RBFOX1: variants seen among roughly 807,000 people sequenced by gnomAD.
The protein encoded by RBFOX1 is RNA binding protein fox-1 homolog 1.
Under a neutral mutation model 57.7 loss-of-function variants are expected in RBFOX1, and 8 were observed. That is an observed-to-expected ratio of 0.14 (90% CI 0.08 to 0.25). The LOEUF (loss-of-function observed/expected upper bound fraction) is 0.25. RBFOX1 is among the 10% of genes least tolerant of loss of function. The pLI is 1.00. For missense variants in RBFOX1, 611 were observed against 548.5 expected, an observed-to-expected ratio of 1.11 and a Z score of -1.14; for synonymous variants, 326 against 222.4, an observed-to-expected ratio of 1.47 and a Z score of -4.15.
At chr16:6,576,935 A>G (rs2097447687) in intron 2 of RBFOX1, 1 of 152,208 alleles carries the variant, frequency 6.6e-6, no homozygotes, top group African/African-American at 2.4e-5. Flanking sequence ...CCTGTAAAGA[A>G]CCACCCATCT....
chr16:6,489,621 C>T (rs935117471), intron 2 of RBFOX1, among the ~76,000 whole-genome samples: 4 of 152,152 alleles, frequency 2.6e-5, no homozygotes, highest in African/African-American at 7.2e-5. Flanking sequence ...GCACCATCTT[C>T]ACCCGAGTTT....
At chr16:5,764,502 T>A (rs1410443475) in intron 3 of RBFOX1, among the ~76,000 whole-genome samples, 1 of 152,214 alleles carries the variant, frequency 6.6e-6, no homozygotes, top group Non-Finnish European at 1.5e-5. Context: ...CTCAGGTGTT[T>A]CTTTACAGCA....
chr16:7,269,185 A>C (rs1006431121), intron 4 of RBFOX1, among the ~76,000 whole-genome samples: 2 of 152,190 alleles, frequency 1.3e-5, no homozygotes, highest in Non-Finnish European at 2.9e-5. Flanking sequence ...GTTATTCCAG[A>C]ATATACAGCA....
intron 3 of RBFOX1, among the ~76,000 whole-genome samples, chr16:6,892,605 A>G (rs564309197): frequency 6.6e-6 from 1 of 152,272 alleles, no homozygotes; most frequent in South Asian, 2.1e-4. Context: ...GGGAAATGGA[A>G]GTTGCAGTAA....
In RBFOX1 at chr16:6,706,864, A is replaced by G. The variant is rs140087124; in HGVS notation, c.-16+52214A>G. ...CAGAAGTCATCTGGTGTAGGTATCT[A>G]TCTCCTCTATGTGTCTCAGAGAACT... On this transcript the variant is annotated intron_variant, in intron 3 of 15. Coordinates refer to ENST00000550418, the MANE Select transcript of RBFOX1 (RefSeq NM_018723.4). 3.2e-3 allele frequency among the ~76,000 whole-genome samples: 482 copies of G among 152,196 alleles called. 1 individual carries two copies. Among genetic ancestry groups the G allele is most frequent in the African/African-American group, 0.011 (437 of 41,518 alleles).
chr16:7,686,903 T>C (rs1158068934), intron 14 of RBFOX1, among the ~76,000 whole-genome samples: 1 of 152,074 alleles, frequency 6.6e-6, no homozygotes, highest in Non-Finnish European at 1.5e-5. Context: ...GAGATGAACT[T>C]GGGTTTGAAT....
intron 2 of RBFOX1, among the ~76,000 whole-genome samples, chr16:6,413,786 C>T (rs960107276): frequency 1.3e-5 from 2 of 152,192 alleles, no homozygotes; most frequent in African/African-American, 4.8e-5. Flanking sequence ...AGTCTCTCAT[C>T]TACAGCTCTC....
rs543707194 is a variant in RBFOX1, at chr16:6,772,363, T to G, written c.-16+117713T>G. ...TCCAAATAATTTATTTATGCAGCAA[T>G]GCAGCTGTCTGCTTCTTTGGAGGTG... is the stretch of plus-strand genomic sequence containing the variant. On this transcript the variant is annotated intron_variant, in intron 3 of 15. Transcript: ENST00000550418. Among the ~76,000 whole-genome samples the G allele has an allele frequency of 2.6e-5, 4 of 152,328 alleles. No individual in the cohort carries two copies. In the South Asian group the frequency reaches 8.3e-4, roughly 32 times the overall value.
chr16:6,852,011 C>T (rs893517576), intron 3 of RBFOX1, among the ~76,000 whole-genome samples: 3 of 148,928 alleles, frequency 2.0e-5, no homozygotes, highest in Non-Finnish European at 4.5e-5. Flanking sequence ...CTGCAAGCTC[C>T]ATCTCCCGGG....
At chr16:6,475,545 T>C (rs1374133924) in intron 2 of RBFOX1, among the ~76,000 whole-genome samples, 2 of 152,230 alleles carry the variant, frequency 1.3e-5, no homozygotes, top group African/African-American at 2.4e-5. Flanking sequence ...GCAACCAATA[T>C]AGAGCTAATG....
chr16:7,521,818 A>G (rs1184439923), intron 5 of RBFOX1, among the ~76,000 whole-genome samples: 1 of 152,206 alleles, frequency 6.6e-6, no homozygotes, highest in Non-Finnish European at 1.5e-5. Flanking sequence ...GTTGGCCCAT[A>G]CAATAAAAAG....
At chr16:5,799,251 C>A (rs918417351) in intron 3 of RBFOX1, among the ~76,000 whole-genome samples, 1 of 151,946 alleles carries the variant, frequency 6.6e-6, no homozygotes, top group Non-Finnish European at 1.5e-5. Context: ...GGGAAACTGC[C>A]CCCATGACTC....
chr16:6,169,991 A>G (rs976464867), intron 1 of RBFOX1, among the ~76,000 whole-genome samples: 1 of 152,090 alleles, frequency 6.6e-6, no homozygotes, highest in African/African-American at 2.4e-5. Context: ...CTGGTCTCAA[A>G]TGCCTGACCT....
chr16:7,176,815 A>T (rs1200782233), intron 4 of RBFOX1, among the ~76,000 whole-genome samples: 1 of 152,222 alleles, frequency 6.6e-6, no homozygotes, highest in Non-Finnish European at 1.5e-5. Context: ...TGCACAAAAC[A>T]TCTGTGGTAA....
At chr16:5,368,809 C>G (rs1469112291) in intron 1 of RBFOX1, among the ~76,000 whole-genome samples, 1 of 152,096 alleles carries the variant, frequency 6.6e-6, no homozygotes, top group African/African-American at 2.4e-5. Context: ...CTGGGGTCTC[C>G]TTGTTTATTC....
chr16:6,767,929 T>TAAGAAGAAGAAG (rs1388686342), intron 3 of RBFOX1, among the ~76,000 whole-genome samples: 32 of 88,466 alleles, frequency 3.6e-4, no homozygotes, highest in African/African-American at 1.8e-3. Context: ...ATAATAATAA[T>TAAGAAGAAGAAG]AATAATAATA....
chr16:5,751,089 C>T (rs973364895), intron 3 of RBFOX1, among the ~76,000 whole-genome samples: 3 of 152,100 alleles, frequency 2.0e-5, no homozygotes, highest in African/African-American at 7.2e-5. Flanking sequence ...GAGATCTGCC[C>T]ACCTCGGCCT....
chr16:7,645,193 C>A (rs2063519748), intron 11 of RBFOX1, among the ~76,000 whole-genome samples: 2 of 152,160 alleles, frequency 1.3e-5, no homozygotes, highest in African/African-American at 4.8e-5. Context: ...CTAGAAACTT[C>A]TGGCTAATTT....
At chr16:7,510,341 T>C (rs1052669956) in intron 4 of RBFOX1, 3 of 985,574 alleles carry the variant, frequency 3.0e-6, no homozygotes, top group Non-Finnish European at 1.2e-6. Context: ...CCATTTAATC[T>C]TTCACTCAAA....
Sources: gnomAD v4.1 joint callset for allele counts (sites outside exome capture counted in the v4.1 genomes callset) on GRCh38, gnomAD v4.1.1 for gene constraint, MANE v1.5 for transcripts, NCBI Gene and HGNC (gene_info 2026-07-23, HGNC 2026-07-21) for gene names.